Variants in CDKAL1 observed in about 807,000 individuals in gnomAD.
CDKAL1 encodes CDKAL1 threonylcarbamoyladenosine tRNA methylthiotransferase.
A neutral mutation model predicts 68.2 loss-of-function variants in CDKAL1; 32 were observed. The observed-to-expected ratio is 0.47, with a 90% CI of 0.35 to 0.63. The LOEUF (loss-of-function observed/expected upper bound fraction) is 0.63, where lower values mean the gene tolerates loss of function less well. Ranked by LOEUF, CDKAL1 falls within the 30% of genes least tolerant of loss-of-function variation. CDKAL1 has a pLI of 0.00. For missense variants in CDKAL1, 606 were observed against 696.7 expected (o/e 0.87, Z 1.47); for synonymous variants, 234 against 244.3 (o/e 0.96, Z 0.39).
At chr6:20,760,383 G>A (rs1269560007) in intron 7 of CDKAL1, among the ~76,000 whole-genome samples, 1 of 152,146 alleles carries the variant, frequency 6.6e-6, no homozygotes, top group Admixed American at 6.5e-5. Flanking sequence ...ACTCCGTCCT[G>A]GAGAATCCAG....
chr6:20,643,127 G>A (rs1213852064), intron 4 of CDKAL1, among the ~76,000 whole-genome samples: 3 of 152,246 alleles, frequency 2.0e-5, no homozygotes, highest in Non-Finnish European at 2.9e-5. Context: ...CTCAAATCTC[G>A]AAGTAGGTGG....
intron 15 of CDKAL1, among the ~76,000 whole-genome samples, chr6:21,203,304 T>G (rs779910884): frequency 7.2e-6 from 1 of 139,474 alleles, no homozygotes; most frequent in Non-Finnish European, 1.5e-5. Flanking sequence ...GCATGCAGTG[T>G]CAGCTCACTG....
chr6:20,664,023 G>A lies in CDKAL1; in HGVS notation c.371+14646G>A, dbSNP rs532253572. On this transcript the variant is annotated intron_variant, in intron 5 of 15. Transcript: ENST00000274695. Reference sequence around the variant, plus strand: ...CCAGTGAAAATCTAACCAATGGGAAGAGTCTTACAAAACTTGCTGGAGATT... The same window carrying A: ...CCAGTGAAAATCTAACCAATGGGAAAAGTCTTACAAAACTTGCTGGAGATT... 3.4e-4 allele frequency among the ~76,000 whole-genome samples: 52 copies of A among 152,160 alleles called. 1 individual carries two copies. Among genetic ancestry groups the A allele is most frequent in the Middle Eastern group, 3.4e-3 (1 of 294 alleles).
At position 21,092,400 on chromosome 6, in the gene CDKAL1, T is replaced by C. The variant is rs1034056520; in HGVS notation, c.1237-16001T>C. 1.1e-4 allele frequency among the ~76,000 whole-genome samples: 17 copies of C among 152,042 alleles called. 1 individual carries two copies. The highest frequency in any genetic ancestry group is 5.2e-4 in the Admixed American group (8 of 15,262). On this transcript the variant is annotated intron_variant, in intron 12 of 15. Transcript: ENST00000274695. Reference sequence around the variant, plus strand: ...CACAGGCATTAGGTATTTGTCCTAATGCTCTCCCTCCTTTTGCCCCCCACT... The same window carrying C: ...CACAGGCATTAGGTATTTGTCCTAACGCTCTCCCTCCTTTTGCCCCCCACT...
intron 6 of CDKAL1, among the ~76,000 whole-genome samples, chr6:20,743,014 G>A (rs1044536868): frequency 2.0e-5 from 3 of 151,990 alleles, no homozygotes; most frequent in African/African-American, 7.2e-5. Context: ...GTATAGAATT[G>A]CTATAAAACT....
At chr6:21,193,044 C>A (rs904298499) in intron 13 of CDKAL1, among the ~76,000 whole-genome samples, 1 of 151,940 alleles carries the variant, frequency 6.6e-6, no homozygotes, top group Non-Finnish European at 1.5e-5. Context: ...GTCTCTAACT[C>A]CTGTCCTCAC....
In CDKAL1 at chr6:20,603,132, A is replaced by G. The variant is rs558788372; in HGVS notation, c.287-46161A>G. Among the ~76,000 whole-genome samples the G allele has an allele frequency of 9.8e-5, 15 of 152,330 alleles. 1 individual carries two copies. In the South Asian group the frequency reaches 3.1e-3, roughly 32 times the overall value. Reference sequence around the variant, plus strand: ...TGTGTATTATTTGGTTCTGGCAAGTACCAATAAAAGAATCACCGTGCAGAC... The same window carrying G: ...TGTGTATTATTTGGTTCTGGCAAGTGCCAATAAAAGAATCACCGTGCAGAC... On this transcript the variant is annotated intron_variant, in intron 4 of 15. Coordinates refer to ENST00000274695, the MANE Select transcript of CDKAL1 (RefSeq NM_017774.3).
At chr6:20,804,361 C>T (rs544762665) in intron 8 of CDKAL1, among the ~76,000 whole-genome samples, 1 of 152,270 alleles carries the variant, frequency 6.6e-6, no homozygotes, top group African/African-American at 2.4e-5. Context: ...ATAACTGGGA[C>T]TAAGAATACA....
chr6:20,670,117 T>G (rs1304717017), intron 5 of CDKAL1, among the ~76,000 whole-genome samples: 3 of 152,198 alleles, frequency 2.0e-5, no homozygotes, highest in Non-Finnish European at 4.4e-5. Flanking sequence ...ATTTACATTA[T>G]TTGTTCAATC....
At chr6:20,929,446 A>G (rs1165779756) in intron 9 of CDKAL1, among the ~76,000 whole-genome samples, 2 of 152,194 alleles carry the variant, frequency 1.3e-5, no homozygotes, top group African/African-American at 4.8e-5. Flanking sequence ...TAGAAAAAGT[A>G]AGGTAGAAAA....
At chr6:20,858,243 G>GT (rs1303520613) in intron 9 of CDKAL1, among the ~76,000 whole-genome samples, 3 of 152,148 alleles carry the variant, frequency 2.0e-5, no homozygotes. Context: ...GCCTGGGAAT[G>GT]TTTATTTTTA....
intron 5 of CDKAL1, among the ~76,000 whole-genome samples, chr6:20,654,528 G>A (rs1046562442): frequency 1.6e-4 from 25 of 151,986 alleles, no homozygotes; most frequent in African/African-American, 5.6e-4. Flanking sequence ...TTACTCTGAA[G>A]CTATTAAGAT....
chr6:20,773,046 C>G (rs1340377347), intron 7 of CDKAL1: 2 of 152,182 alleles, frequency 1.3e-5, no homozygotes, highest in African/African-American at 4.8e-5. Context: ...CATTAACAAA[C>G]TCTTCATACT....
intron 13 of CDKAL1, among the ~76,000 whole-genome samples, chr6:21,191,760 TAAAA>T (rs35944981): frequency 5.7e-5 from 8 of 140,634 alleles, no homozygotes; most frequent in African/African-American, 1.8e-4. Context: ...TGGTTTTCAT[TAAAA>T]AAAAAAAAAA....
chr6:20,900,549 C>G (rs975968249), intron 9 of CDKAL1, among the ~76,000 whole-genome samples: 17 of 152,204 alleles, frequency 1.1e-4, no homozygotes, highest in African/African-American at 4.1e-4. Flanking sequence ...AAAAAGGCTG[C>G]TGTTAAACTT....
intron 7 of CDKAL1, among the ~76,000 whole-genome samples, chr6:20,777,303 C>T (rs1414858835): frequency 6.6e-6 from 1 of 152,132 alleles, no homozygotes; most frequent in Non-Finnish European, 1.5e-5. Flanking sequence ...ACATATTTTT[C>T]ACATTTTCAT....
At chr6:21,103,075 C>G (rs1368186937) in intron 12 of CDKAL1, among the ~76,000 whole-genome samples, 1 of 152,102 alleles carries the variant, frequency 6.6e-6, no homozygotes, top group Non-Finnish European at 1.5e-5. Context: ...TTTAAGAATC[C>G]GTATGTAGAA....
At chr6:20,671,013 T>C (rs1769788065) in intron 5 of CDKAL1, among the ~76,000 whole-genome samples, 1 of 152,194 alleles carries the variant, frequency 6.6e-6, no homozygotes, top group South Asian at 2.1e-4. Context: ...ATTTTTATAT[T>C]ATTGGAGGTA....
At chr6:20,955,043 C>T (rs759792063) in intron 9 of CDKAL1, among the ~76,000 whole-genome samples, 8 of 152,102 alleles carry the variant, frequency 5.3e-5, no homozygotes, top group Non-Finnish European at 1.2e-4. Flanking sequence ...CTGATGGTGC[C>T]TATTCTGTGG....
Sources: gnomAD v4.1 joint callset for allele counts (sites outside exome capture counted in the v4.1 genomes callset) on GRCh38, gnomAD v4.1.1 for gene constraint, MANE v1.5 for transcripts, NCBI Gene and HGNC (gene_info 2026-07-23, HGNC 2026-07-21) for gene names.